The following SYNDIG1 variants were observed in gnomAD, a reference collection of about 807,000 sequenced individuals.
SYNDIG1 encodes synapse differentiation inducing 1.
In SYNDIG1, 9 loss-of-function variants were observed where a neutral mutation model predicts 19.4. The ratio of observed to expected loss-of-function variants is 0.46; its 90% CI spans 0.28 to 0.81. SYNDIG1 has a LOEUF of 0.81. Among genes scored for constraint, SYNDIG1 ranks in the 30% least tolerant of loss-of-function variants. The pLI, the probability that SYNDIG1 is intolerant of heterozygous loss-of-function variation, is 0.12. For missense variants in SYNDIG1, 311 were observed against 343.3 expected, an observed-to-expected ratio of 0.91 and a Z score of 0.74; for synonymous variants, 141 against 145.9, an observed-to-expected ratio of 0.97 and a Z score of 0.24.
chr20:24,587,028 T>C (rs1218246672), intron 3 of SYNDIG1, among the ~76,000 whole-genome samples: 1 of 152,208 alleles, frequency 6.6e-6, no homozygotes, highest in Non-Finnish European at 1.5e-5. Context: ...AAGAGCCTCT[T>C]AGGCTTGGGT....
In SYNDIG1 at chr20:24,584,847, C is replaced by G. The variant is rs764714175; in HGVS notation, c.481-9C>G. 3 of 1,614,144 alleles carry G rather than the reference C, an allele frequency of 1.9e-6. No homozygotes were observed. Among genetic ancestry groups the G allele is most frequent in the Non-Finnish European group, 2.5e-6 (3 of 1,180,026 alleles). On this transcript the variant is annotated splice_polypyrimidine_tract_variant and intron_variant, in intron 2 of 3. Transcript: ENST00000376862. ...TCTCCTGTCCTGTCCTGCTGGTTCT[C>G]TCTTGCAGAGCGACTACTCAAGCGA...
chr20:24,665,544 T>C lies in SYNDIG1; in HGVS notation c.*40T>C. ...GAGGGGGAGCACCCGGGGCCAGGTC[T>C]GTGTGGACGTGGAGGAAGCAGGCAT... is the stretch of plus-strand genomic sequence containing the variant. On this transcript the variant is annotated 3_prime_UTR_variant, in exon 4 of 4. Coordinates refer to ENST00000376862, the MANE Select transcript of SYNDIG1 (RefSeq NM_024893.3). 6.2e-7 allele frequency: 1 copy of C among 1,610,768 alleles called. No homozygotes were observed.
intron 1 of SYNDIG1, among the ~76,000 whole-genome samples, chr20:24,499,565 A>G (rs2056390315): frequency 6.6e-6 from 1 of 152,230 alleles, no homozygotes; most frequent in Non-Finnish European, 1.5e-5. Flanking sequence ...AACTACCAAC[A>G]TGCGCCAACC....
intron 3 of SYNDIG1, among the ~76,000 whole-genome samples, chr20:24,616,717 T>A (rs927011724): frequency 6.6e-6 from 1 of 152,208 alleles, no homozygotes; most frequent in Non-Finnish European, 1.5e-5. Flanking sequence ...GCTTCAGCCT[T>A]CACACCTGGA....
intron 1 of SYNDIG1, among the ~76,000 whole-genome samples, chr20:24,527,066 G>A (rs1182002005): frequency 1.3e-5 from 2 of 152,148 alleles, no homozygotes; most frequent in Non-Finnish European, 1.5e-5. Context: ...TTCACAGGTA[G>A]CGTCCTTTGA....
intron 2 of SYNDIG1, among the ~76,000 whole-genome samples, chr20:24,560,112 A>AGGCTG (rs1262373808): frequency 9.0e-6 from 1 of 110,894 alleles, no homozygotes; most frequent in Non-Finnish European, 1.7e-5. Flanking sequence ...TCTGTCACCC[A>AGGCTG]GGCTGGAGTG....
chr20:24,590,617 G>A (rs1313187979), intron 3 of SYNDIG1, among the ~76,000 whole-genome samples: 2 of 152,120 alleles, frequency 1.3e-5, no homozygotes, highest in African/African-American at 2.4e-5. Flanking sequence ...CCTGGGCTTA[G>A]GTTGCAGTGT....
chr20:24,626,590 G>C (rs541496429), intron 3 of SYNDIG1, among the ~76,000 whole-genome samples: 113 of 151,960 alleles, frequency 7.4e-4, no homozygotes, highest in African/African-American at 2.5e-3. Context: ...TCACTTTCCA[G>C]ACTGGGCAGC....
chr20:24,510,869 T>C (rs1021444899), intron 1 of SYNDIG1, among the ~76,000 whole-genome samples: 1 of 152,204 alleles, frequency 6.6e-6, no homozygotes, highest in Non-Finnish European at 1.5e-5. Context: ...TTTTAATATG[T>C]CTTTCATAAT....
intron 3 of SYNDIG1, among the ~76,000 whole-genome samples, chr20:24,612,660 T>C (rs919445970): frequency 5.3e-5 from 8 of 152,232 alleles, no homozygotes; most frequent in South Asian, 2.1e-4. Context: ...CTCAGAAATA[T>C]TCCCCCTCAG....
At chr20:24,527,522 T>C (rs577522079) in intron 1 of SYNDIG1, among the ~76,000 whole-genome samples, 1 of 97,928 alleles carries the variant, frequency 1.0e-5, no homozygotes, top group Admixed American at 1.0e-4. Context: ...TCTTTTTTTT[T>C]CCTTTCTTTT....
At chr20:24,656,716 C>T (rs62215327) in intron 3 of SYNDIG1, among the ~76,000 whole-genome samples, 21,754 of 152,254 alleles carry the variant, frequency 0.14, 1,750 homozygotes, top group South Asian at 0.22. Flanking sequence ...TCTGCGTGCT[C>T]GCACTTGAGC....
At chr20:24,645,865 C>G (rs2059417963) in intron 3 of SYNDIG1, among the ~76,000 whole-genome samples, 1 of 152,258 alleles carries the variant, frequency 6.6e-6, no homozygotes. Flanking sequence ...TCCTCCCTAA[C>G]ACAGTGGGCT....
At chr20:24,503,710 A>G (rs2056513810) in intron 1 of SYNDIG1, among the ~76,000 whole-genome samples, 1 of 151,446 alleles carries the variant, frequency 6.6e-6, no homozygotes, top group Non-Finnish European at 1.5e-5. Context: ...AATCCCCCTG[A>G]CCCTGTGCTA....
chr20:24,542,929 G>A, intron 1 of SYNDIG1, 91 bp from the exon 2 acceptor site: 1 of 960,906 alleles, frequency 1.0e-6, no homozygotes, highest in Non-Finnish European at 1.5e-6. Context: ...TTATCAGCTG[G>A]CTGGTACAGT....
intron 3 of SYNDIG1, among the ~76,000 whole-genome samples, chr20:24,655,020 G>A (rs191621833): frequency 2.6e-5 from 4 of 152,274 alleles, no homozygotes; most frequent in East Asian, 1.9e-4. Context: ...AGCCTTCCGC[G>A]GTGTGTGTTG....
chr20:24,493,864 C>T (rs1335430382), intron 1 of SYNDIG1, among the ~76,000 whole-genome samples: 5 of 152,128 alleles, frequency 3.3e-5, no homozygotes, highest in African/African-American at 9.7e-5. Context: ...CTGAGCCCCC[C>T]GGCTGGCCAA....
At chr20:24,476,192 CT>C (rs765913030) in intron 1 of SYNDIG1, among the ~76,000 whole-genome samples, 1 of 151,728 alleles carries the variant, frequency 6.6e-6, no homozygotes, top group East Asian at 2.1e-4. Flanking sequence ...AGTTTTTTTT[CT>C]TATATACTAA....
chr20:24,493,995 T>C (rs375337048), intron 1 of SYNDIG1, among the ~76,000 whole-genome samples: 12 of 152,208 alleles, frequency 7.9e-5, no homozygotes, highest in African/African-American at 2.9e-4. Flanking sequence ...CCGCGGATAC[T>C]GGCCTTTTGA....
Sources: gnomAD v4.1 joint callset for allele counts (sites outside exome capture counted in the v4.1 genomes callset) on GRCh38, gnomAD v4.1.1 for gene constraint, MANE v1.5 for transcripts, NCBI Gene and HGNC (gene_info 2026-07-23, HGNC 2026-07-21) for gene names.